The following ZNF230 variants were observed in gnomAD, a reference collection of about 807,000 sequenced individuals.
The protein encoded by ZNF230 is zinc finger protein 230.
ZNF230 carries 12 observed loss-of-function variants against 10.0 expected under a neutral mutation model. The observed-to-expected ratio is 1.20, with a 90% confidence interval of 0.77 to 1.95. The LOEUF (loss-of-function observed/expected upper bound fraction) is 1.95, where lower values mean the gene tolerates loss of function less well. ZNF230 is among the 30% of genes most tolerant of loss of function. The pLI, the probability that ZNF230 is intolerant of heterozygous loss-of-function variation, is 0.00. For synonymous variants in ZNF230, 174 were observed against 193.6 expected, an observed-to-expected ratio of 0.90 and a Z score of 0.84; for missense variants, 532 against 565.8, an observed-to-expected ratio of 0.94 and a Z score of 0.61.
intron 1 of ZNF230, among the ~76,000 whole-genome samples, chr19:44,005,182 A>AATGATATAT (rs1976112000): frequency 6.6e-6 from 1 of 152,202 alleles, no homozygotes; most frequent in Non-Finnish European, 1.5e-5. Flanking sequence ...ATATCATTTA[A>AATGATATAT]AAGCTATAGA....
At position 44,011,286 on chromosome 19, in the gene ZNF230, G is replaced by A. The variant is rs149461366; in HGVS notation, c.1247G>A (p.Arg416Gln). 4.6e-5 allele frequency: 74 copies of A among 1,614,024 alleles called. No homozygotes were observed. The highest frequency in any genetic ancestry group is 4.3e-4 in the African/African-American group (32 of 74,980). The change falls in exon 5 of 5, where the codon CGG (arginine) becomes CAG (glutamine). Residue 416 changes from arginine (R) to glutamine (Q), a missense_variant. Coordinates refer to ENST00000429154, the MANE Select transcript of ZNF230 (RefSeq NM_006300.4). ...TTGAATCATAAGAAACTCCACTGCC[G>A]GAAAAAACCCTTCAAATGTGAGGAT... ...SILNHKKLHC[R>Q]KKPFKCEDCG...
chr19:44,010,430 T>G lies in ZNF230; in HGVS notation c.391T>G (p.Ser131Ala), dbSNP rs1404089050. 6.2e-7 allele frequency: 1 copy of G among 1,614,238 alleles called. No individual in the cohort carries two copies. Among genetic ancestry groups the G allele is most frequent in the Non-Finnish European group, 8.5e-7 (1 of 1,180,034 alleles). Residue 131 changes from serine (S) to alanine (A), a missense_variant, in exon 5 of 5, where the codon TCT becomes GCT. Coordinates refer to ENST00000429154, the MANE Select transcript of ZNF230 (RefSeq NM_006300.4). ...DVPSQVEAGL[S>A]IIHTGQKPSQ... ...CCCCTCCCAGGTTGAGGCAGGACTA[T>G]CTATAATTCATACAGGACAGAAACC... is the stretch of plus-strand genomic sequence containing the variant.
chr19:44,009,468 C>T, intron 4 of ZNF230: 1 of 505,912 alleles, frequency 2.0e-6, no homozygotes, highest in Non-Finnish European at 3.5e-6. Flanking sequence ...TTTTAGAGAC[C>T]CTGAGGTTTG....
intron 2 of ZNF230, among the ~76,000 whole-genome samples, chr19:44,008,483 C>T (rs1599852233): frequency 6.6e-6 from 1 of 152,180 alleles, no homozygotes; most frequent in East Asian, 1.9e-4. Context: ...CTCATTGTTG[C>T]TGGGGCAACT....
At chr19:44,008,560 A>G (rs951448767) in intron 2 of ZNF230, among the ~76,000 whole-genome samples, 2 of 152,186 alleles carry the variant, frequency 1.3e-5, no homozygotes, top group African/African-American at 4.8e-5. Context: ...TTGAAATCCT[A>G]AGGGGTTACT....
chr19:44,010,555 G>A lies in ZNF230; in HGVS notation c.516G>A (p.Glu172=), dbSNP rs760648437. The A allele has an allele frequency of 3.1e-6, 5 of 1,614,238 alleles. No homozygotes were observed. The South Asian group carries it at 5.5e-5, about 18-fold the overall frequency. ...GAGAGAAGTCTCATACATGCAATGAGTGTGGAAAAAGCTTCTGTTACATCT... is the reference window on the plus strand; with the variant it reads ...GAGAGAAGTCTCATACATGCAATGAATGTGGAAAAAGCTTCTGTTACATCT... The part of the protein sequence containing the change: ...HSGEKSHTCN[E]CGKSFCYISA... Residue 172 remains glutamate, a synonymous_variant, in exon 5 of 5, where the codon GAG becomes GAA. Coordinates refer to ENST00000429154, the MANE Select transcript of ZNF230 (RefSeq NM_006300.4).
rs765867128 is a variant in ZNF230, at chr19:44,011,319, A to T, written c.1280A>T (p.Lys427Met). The T allele has an allele frequency of 2.0e-5, 33 of 1,614,072 alleles. No homozygotes were observed. The highest frequency in any genetic ancestry group is 3.3e-4 in the Middle Eastern group (2 of 6,084). The change falls in exon 5 of 5, where the codon AAG becomes ATG. Residue 427 changes from lysine (K) to methionine (M), a missense_variant. By Grantham distance (95) the Lys-to-Met change is moderately conservative. Transcript: ENST00000429154. ...KKPFKCEDCG[K>M]RLVHRSFCKD... ...CCCTTCAAATGTGAGGATTGTGGAA[A>T]GAGGCTTGTACACCGGTCTTTCTGT...
At chr19:44,010,156 A>G in intron 4 of ZNF230, 113 bp from the exon 5 acceptor site, 3 of 1,029,028 alleles carry the variant, frequency 2.9e-6, no homozygotes, top group Non-Finnish European at 4.2e-6. Context: ...TTCATGGGGA[A>G]AACATAAACT....
In ZNF230 at chr19:44,011,085, C is replaced by T; in HGVS notation, c.1046C>T (p.Ser349Leu). The T allele has an allele frequency of 2.5e-6, 4 of 1,614,190 alleles. No individual in the cohort carries two copies. The highest frequency in any genetic ancestry group is 3.4e-6 in the Non-Finnish European group (4 of 1,180,022). ...TGTGGGAAGAGCTTCAGATGGTCCT[C>T]ATATCTTTTGATCCATCAGCGAATC... ...KECGKSFRWSSYLLIHQRIHS... is the reference protein window; with the variant it reads ...KECGKSFRWSLYLLIHQRIHS... The change falls in exon 5 of 5, where the codon TCA (serine) becomes TTA (leucine). Residue 349 changes from serine (S) to leucine (L), a missense_variant. By Grantham distance (145) the Ser-to-Leu change is moderately radical. Coordinates refer to ENST00000429154, the MANE Select transcript of ZNF230 (RefSeq NM_006300.4).
chr19:44,004,434 G>C (rs1976101105), intron 1 of ZNF230: 1 of 152,058 alleles, frequency 6.6e-6, no homozygotes, highest in Admixed American at 6.5e-5. Context: ...ATTGCTAATA[G>C]AGACTAAACT....
At chr19:44,007,726 G>A (rs2147424108) in intron 2 of ZNF230, among the ~76,000 whole-genome samples, 1 of 152,288 alleles carries the variant, frequency 6.6e-6, no homozygotes, top group East Asian at 1.9e-4. Flanking sequence ...TCTGTGGAGG[G>A]GTGGCCTGTG....
Position 44,010,159 on chromosome 19 carries a change from C to T in ZNF230, c.230-110C>T, listed in dbSNP as rs1976161175. ...CAGAAAACAAGATTCATGGGGAAAA[C>T]ATAAACTGAACATTCATTAAAGTTG... On this transcript the variant is annotated intron_variant, in intron 4 of 4. Coordinates refer to ENST00000429154, the MANE Select transcript of ZNF230 (RefSeq NM_006300.4). The T allele has an allele frequency of 3.8e-6, 4 of 1,059,844 alleles. No individual in the cohort carries two copies. The South Asian group carries it at 6.9e-5, about 18-fold the overall frequency. 65.7% of individuals were successfully genotyped at this position (1,059,844 alleles called of 1,614,324 possible).
chr19:44,004,416 T>C (rs574863193), intron 1 of ZNF230: 1 of 152,160 alleles, frequency 6.6e-6, no homozygotes. Context: ...CTATAGAAAA[T>C]TTTAAATATT....
At position 44,009,453 on chromosome 19, in the gene ZNF230, T is replaced by C. The variant is rs1353846875; in HGVS notation, c.229+283T>C. 2.5e-5 allele frequency: 13 copies of C among 525,648 alleles called. No homozygotes were observed. In the Middle Eastern group the frequency reaches 1.2e-3, roughly 47 times the overall value. The allele number at this position is 525,648 out of a possible 1,614,324, so 32.6% of individuals were successfully genotyped here. On this transcript the variant is annotated intron_variant, in intron 4 of 4. Coordinates refer to ENST00000429154, the MANE Select transcript of ZNF230 (RefSeq NM_006300.4). ...TGTTATTAAAGTTACAACCTCTTTA[T>C]TGGCTTTTAGAGACCCTGAGGTTTG... is the stretch of plus-strand genomic sequence containing the variant.
rs902833505 is a variant in ZNF230, at chr19:44,010,398, G to A, written c.359G>A (p.Gly120Asp). ...IINNSHFFEQGDVPSQVEAGL... is the reference protein window; with the variant it reads ...IINNSHFFEQDDVPSQVEAGL... Reference sequence around the variant, plus strand: ...AATAATTCTCACTTCTTTGAACAAGGTGATGTCCCCTCCCAGGTTGAGGCA... The same window carrying A: ...AATAATTCTCACTTCTTTGAACAAGATGATGTCCCCTCCCAGGTTGAGGCA... The change falls in exon 5 of 5, where the codon GGT (glycine) becomes GAT (aspartate). Residue 120 changes from glycine (G) to aspartate (D), a missense_variant. Coordinates refer to ENST00000429154, the MANE Select transcript of ZNF230 (RefSeq NM_006300.4). 6.2e-7 allele frequency: 1 copy of A among 1,614,188 alleles called. No homozygotes were observed. The highest frequency in any genetic ancestry group is 8.5e-7 in the Non-Finnish European group (1 of 1,180,026).
intron 4 of ZNF230, among the ~76,000 whole-genome samples, 173 bp from the exon 5 acceptor site, chr19:44,010,096 T>C (rs944383977): frequency 2.6e-5 from 4 of 152,218 alleles, no homozygotes; most frequent in Admixed American, 6.5e-5. Flanking sequence ...ATTTTACATA[T>C]GAGACATGGT....
At chr19:44,004,818 T>C (rs1211570484) in intron 1 of ZNF230, 1 of 151,656 alleles carries the variant, frequency 6.6e-6, no homozygotes, top group Non-Finnish European at 1.5e-5. Context: ...GACTATTTCC[T>C]GATATCTAAA....
intron 1 of ZNF230, among the ~76,000 whole-genome samples, chr19:44,006,221 T>C (rs1976122535): frequency 6.6e-6 from 1 of 152,242 alleles, no homozygotes; most frequent in Admixed American, 6.5e-5. Flanking sequence ...GTCCCTTCAC[T>C]GGTGATCTCA....
chr19:44,005,569 C>T (rs1053173548), intron 1 of ZNF230, among the ~76,000 whole-genome samples: 17 of 152,128 alleles, frequency 1.1e-4, no homozygotes, highest in African/African-American at 4.1e-4. Context: ...TCTGTAGTTA[C>T]ATATTTAAAT....
Sources: gnomAD v4.1 joint callset for allele counts (sites outside exome capture counted in the v4.1 genomes callset) on GRCh38, gnomAD v4.1.1 for gene constraint, MANE v1.5 for transcripts, NCBI Gene and HGNC (gene_info 2026-07-23, HGNC 2026-07-21) for gene names.